Variants in ALK observed in about 807,000 individuals in gnomAD.
ALK encodes the protein ALK tyrosine kinase receptor.
ALK carries 74 observed loss-of-function variants against 163.1 expected under a neutral mutation model. The observed-to-expected ratio is 0.45, with a 90% CI of 0.38 to 0.55. The LOEUF is 0.55. Ranked by LOEUF, ALK falls within the 20% of genes least tolerant of loss-of-function variation. The pLI is 0.00. For synonymous variants in ALK, 960 were observed against 843.2 expected (o/e 1.14, Z -2.40); for missense variants, 2,063 against 2,105.3 (o/e 0.98, Z 0.39).
At chr2:29,252,830 T>C (rs1413754168) in intron 11 of ALK, among the ~76,000 whole-genome samples, 2 of 151,534 alleles carry the variant, frequency 1.3e-5, no homozygotes, top group Non-Finnish European at 2.9e-5. Flanking sequence ...CCTGATTTTT[T>C]ATTTATTTTT....
At chr2:29,232,553 G>T in intron 14 of ALK, 105 bp from the exon 15 acceptor site, 1 of 1,453,590 alleles carries the variant, frequency 6.9e-7, no homozygotes. Flanking sequence ...CTGTTTTGGG[G>T]TGACCTGGTG....
chr2:29,843,339 G>C (rs1392011401), intron 1 of ALK, among the ~76,000 whole-genome samples: 1 of 151,994 alleles, frequency 6.6e-6, no homozygotes, highest in East Asian at 1.9e-4. Flanking sequence ...TCCTCCAAGA[G>C]TTGTGTGTGT....
At chr2:29,800,518 G>A (rs1664439915) in intron 1 of ALK, among the ~76,000 whole-genome samples, 1 of 152,136 alleles carries the variant, frequency 6.6e-6, no homozygotes, top group African/African-American at 2.4e-5. Flanking sequence ...AGAAGTGGCT[G>A]GTCAACAGGG....
chr2:29,615,953 T>C (rs1197095851), intron 3 of ALK, among the ~76,000 whole-genome samples: 7 of 152,220 alleles, frequency 4.6e-5, no homozygotes. Flanking sequence ...CTGAATCTCA[T>C]TTAGTGTTTG....
intron 1 of ALK, among the ~76,000 whole-genome samples, chr2:29,812,693 G>A (rs1664788873): frequency 6.6e-6 from 1 of 152,126 alleles, no homozygotes; most frequent in Non-Finnish European, 1.5e-5. Context: ...CTGGCTGATG[G>A]TGCCATATAG....
intron 1 of ALK, among the ~76,000 whole-genome samples, chr2:29,771,857 G>A (rs995815291): frequency 1.3e-5 from 2 of 152,174 alleles, no homozygotes; most frequent in African/African-American, 4.8e-5. Flanking sequence ...TCTATACCCA[G>A]AGAAACTACC....
chr2:29,350,743 C>G (rs557828819), intron 5 of ALK, among the ~76,000 whole-genome samples: 15 of 152,280 alleles, frequency 9.9e-5, no homozygotes, highest in African/African-American at 3.4e-4. Flanking sequence ...TCCTACCAAC[C>G]CTGTGAGTAG....
At chr2:29,702,624 A>G (rs1678777520) in intron 2 of ALK, among the ~76,000 whole-genome samples, 1 of 152,234 alleles carries the variant, frequency 6.6e-6, no homozygotes, top group South Asian at 2.1e-4. Context: ...ATAAAGACAT[A>G]CCAAGACTGG....
chr2:29,610,035 A>G (rs1675647938), intron 3 of ALK, among the ~76,000 whole-genome samples: 1 of 152,186 alleles, frequency 6.6e-6, no homozygotes, highest in Non-Finnish European at 1.5e-5. Flanking sequence ...CTTGACACCT[A>G]TTTTGAGTAA....
chr2:29,309,861 G>T (rs999711806), intron 8 of ALK, among the ~76,000 whole-genome samples: 4 of 152,170 alleles, frequency 2.6e-5, no homozygotes, highest in African/African-American at 4.8e-5. Context: ...ACGTGTTGCT[G>T]ATTGACTGAG....
chr2:29,727,804 C>T (rs530481320), intron 1 of ALK, among the ~76,000 whole-genome samples: 45 of 152,298 alleles, frequency 3.0e-4, no homozygotes, highest in Non-Finnish European at 2.9e-4. Context: ...ATTCATCTTG[C>T]ATTGTTAACA....
At chr2:29,721,879 G>C (rs1353835828) in intron 1 of ALK, among the ~76,000 whole-genome samples, 2 of 152,232 alleles carry the variant, frequency 1.3e-5, no homozygotes, top group Non-Finnish European at 2.9e-5. Context: ...TCTATTAAAA[G>C]ATTTGTCTTT....
intron 4 of ALK, among the ~76,000 whole-genome samples, chr2:29,418,792 A>G (rs979243450): frequency 6.6e-6 from 1 of 151,912 alleles, no homozygotes; most frequent in Non-Finnish European, 1.5e-5. Flanking sequence ...AGAGGTGAGT[A>G]TCTTTGCATT....
chr2:29,574,686 C>T (rs1674474222), intron 3 of ALK, among the ~76,000 whole-genome samples: 1 of 152,242 alleles, frequency 6.6e-6, no homozygotes, highest in South Asian at 2.1e-4. Flanking sequence ...CCTAGACTTG[C>T]TTTGAGGCAG....
chr2:29,730,963 C>T (rs747327581), intron 1 of ALK, among the ~76,000 whole-genome samples: 6 of 152,182 alleles, frequency 3.9e-5, no homozygotes, highest in Non-Finnish European at 7.4e-5. Flanking sequence ...GACATGTCTA[C>T]ATGACAATAG....
intron 1 of ALK, among the ~76,000 whole-genome samples, chr2:29,916,382 C>A (rs898150994): frequency 6.6e-6 from 1 of 152,172 alleles, no homozygotes; most frequent in South Asian, 2.1e-4. Flanking sequence ...TTTAGCCCAG[C>A]CATATATATT....
rs1261424890 is a variant in ALK at position 29,863,323 on chromosome 2, A to G, written c.667+56670T>C. 2.0e-5 allele frequency among the ~76,000 whole-genome samples: 3 copies of G among 152,222 alleles called. No homozygotes were observed. In the East Asian group the frequency reaches 5.8e-4, roughly 29 times the overall value. ...ACACAGTGAAAGAAACAATCAACAC[A>G]GTGAAGAGACAGCCTGTGGATTGAG... On this transcript the variant is annotated intron_variant, in intron 1 of 28. Coordinates refer to ENST00000389048, the MANE Select transcript of ALK (RefSeq NM_004304.5).
At chr2:29,431,847 A>G (rs1262435858) in intron 4 of ALK, among the ~76,000 whole-genome samples, 1 of 152,124 alleles carries the variant, frequency 6.6e-6, no homozygotes, top group East Asian at 1.9e-4. Context: ...GGTAATAGGC[A>G]CTTTGGGGAC....
intron 3 of ALK, among the ~76,000 whole-genome samples, chr2:29,634,391 C>A (rs961736498): frequency 6.6e-6 from 1 of 151,934 alleles, no homozygotes; most frequent in African/African-American, 2.4e-5. Context: ...AAATATTGCC[C>A]AACAGAGTTG....
Sources: allele counts gnomAD v4.1 joint callset (sites outside exome capture counted in the v4.1 genomes callset), GRCh38; gene constraint gnomAD v4.1.1; transcripts MANE v1.5; gene names NCBI Gene and HGNC (gene_info 2026-07-23, HGNC 2026-07-21).